TRIM59: variants seen among roughly 807,000 people sequenced by gnomAD.
The protein encoded by TRIM59 is tripartite motif containing 59.
TRIM59 carries 14 observed loss-of-function variants against 32.2 expected under a neutral mutation model. The ratio of observed to expected loss-of-function variants is 0.43; its 90% confidence interval spans 0.29 to 0.68. The LOEUF is 0.68. Ranked by LOEUF, TRIM59 falls within the 30% of genes least tolerant of loss-of-function variation. The pLI is 0.15. For missense variants in TRIM59, 471 were observed against 463.3 expected, an observed-to-expected ratio of 1.02 and a Z score of -0.15; for synonymous variants, 163 against 155.1, an observed-to-expected ratio of 1.05 and a Z score of -0.38.
rs1718898347 is a variant in TRIM59, at chr3:160,435,661, A to G, written c.*2311T>C. ...GTTACTCATATACTCAACTATATTCATGCATACTTAACAAAATGAAAAGTT... is the reference window on the plus strand; with the variant it reads ...GTTACTCATATACTCAACTATATTCGTGCATACTTAACAAAATGAAAAGTT... On this transcript the variant is annotated 3_prime_UTR_variant, in exon 3 of 3. Transcript: ENST00000309784. 4.1e-6 allele frequency: 1 copy of G among 245,214 alleles called. No homozygotes were observed. The highest frequency in any genetic ancestry group is 2.3e-5 in the African/African-American group (1 of 43,924). 15.2% of individuals were successfully genotyped at this position (245,214 alleles called of 1,614,324 possible). A position where few individuals can be genotyped will look rare whatever the true frequency, so the allele number is the denominator to read the frequency against.
rs752986138 is a variant in TRIM59, at chr3:160,438,558, T to C, written c.626A>G (p.Asp209Gly). Residue 209 changes from aspartate to glycine, a missense_variant, in exon 3 of 3, where the codon GAT becomes GGT. Transcript: ENST00000309784. ...KKKSFLTALC[D>G]VGNLINQEYT... Reference sequence around the variant, plus strand: ...TTCTTGATTAATTAGATTGCCAACATCACAGAGAGCCGTTAGGAAACTTTT... The same window carrying C: ...TTCTTGATTAATTAGATTGCCAACACCACAGAGAGCCGTTAGGAAACTTTT... 8.1e-6 allele frequency: 13 copies of C among 1,611,460 alleles called. No homozygotes were observed. In the African/African-American group the frequency reaches 1.6e-4, roughly 20 times the overall value.
In TRIM59 at chr3:160,438,949, G is replaced by C. The variant is rs1719110435; in HGVS notation, c.235C>G (p.Leu79Val). The part of the protein sequence containing the change: ...GIESLPVNFA[L>V]RAIIEKYQQE... ...TGGTACTTTTCAATAATAGCCCTTAGTGCAAAATTAACAGGTAAAGATTCA... is the reference window on the plus strand; with the variant it reads ...TGGTACTTTTCAATAATAGCCCTTACTGCAAAATTAACAGGTAAAGATTCA... The change falls in exon 3 of 3, where the codon CTA (leucine) becomes GTA (valine). Residue 79 changes from leucine to valine, a missense_variant. Leu to Val is a conservative substitution (Grantham distance 32). Transcript: ENST00000309784. The C allele has an allele frequency of 1.9e-6, 3 of 1,614,080 alleles. No homozygotes were observed. The highest frequency in any genetic ancestry group is 2.5e-6 in the Non-Finnish European group (3 of 1,180,002).
Position 160,439,117 on chromosome 3 carries a change from GTACA to G in TRIM59, c.63_66del (p.Val22CysfsTer57). On this transcript the variant is annotated frameshift_variant, in exon 3 of 3. Coordinates refer to ENST00000309784, the MANE Select transcript of TRIM59 (RefSeq NM_173084.3). LOFTEE classifies it high-confidence loss of function. ...CTACAAAATGTATGAGAGCATGGCA[GTACA>G]CGAGGATCTTCAAAAATACTATAAC... The G allele has an allele frequency of 6.6e-7, 1 of 1,518,566 alleles. No individual in the cohort carries two copies. Among genetic ancestry groups the G allele is most frequent in the Admixed American group, 2.2e-5 (1 of 45,170 alleles). 94.1% of individuals were successfully genotyped at this position (1,518,566 alleles called of 1,614,324 possible).
intron 2 of TRIM59, among the ~76,000 whole-genome samples, chr3:160,442,775 C>T (rs1560025741): frequency 6.6e-6 from 1 of 152,058 alleles, no homozygotes. Flanking sequence ...TGAAAAATAA[C>T]TTTGTAAGGT....
intron 2 of TRIM59, among the ~76,000 whole-genome samples, chr3:160,442,789 G>C (rs1359348366): frequency 6.6e-6 from 1 of 152,096 alleles, no homozygotes; most frequent in African/African-American, 2.4e-5. Flanking sequence ...GTAAGGTCAG[G>C]AACTTTCTGA....
chr3:160,447,944 G>A (rs1442242600), intron 2 of TRIM59: 2 of 151,942 alleles, frequency 1.3e-5, no homozygotes, highest in Non-Finnish European at 1.5e-5. Flanking sequence ...TAACATTATC[G>A]CAGAAAGTCT....
At position 160,438,337 on chromosome 3, in the gene TRIM59, T is replaced by A. The variant is rs149995749; in HGVS notation, c.847A>T (p.Lys283Ter). ...CTGCTCCATTCTTCTTTCAATATTT[T>A]GCTTACTCGAGGATAAATTTCAACG... ...QPVEIYPRVS[K>*]ILKEEWSRTE... The change falls in exon 3 of 3, where the codon AAA becomes TAA. Residue 283 changes from lysine to a stop codon, truncating the protein, a stop_gained. Transcript: ENST00000309784. LOFTEE classifies it high-confidence loss of function. 4.3e-6 allele frequency: 7 copies of A among 1,613,376 alleles called. No homozygotes were observed. The African/African-American group carries it at 9.3e-5, about 22-fold the overall frequency.
Position 160,435,742 on chromosome 3 carries a change from C to CAAA in TRIM59, c.*2229_*2230insTTT. The CAAA allele has an allele frequency of 3.0e-6, 1 of 336,272 alleles. No homozygotes were observed. Among genetic ancestry groups the CAAA allele is most frequent in the Middle Eastern group, 3.9e-4 (1 of 2,556 alleles). The allele number at this position is 336,272 out of a possible 1,614,324, so 20.8% of individuals were successfully genotyped here. On this transcript the variant is annotated 3_prime_UTR_variant, in exon 3 of 3. Coordinates refer to ENST00000309784, the MANE Select transcript of TRIM59 (RefSeq NM_173084.3). Reference sequence around the variant, plus strand: ...AAATCTAAAATGATATATATACTTACGTTTTTAGCATTCTTACAGATTACA... The same window carrying CAAA: ...AAATCTAAAATGATATATATACTTACAAAGTTTTTAGCATTCTTACAGATTACA...
rs1410785302 is a variant in TRIM59 at position 160,436,287 on chromosome 3, A to G, written c.*1685T>C. ...TCTGTAGGGCCAGGAGCATAGTCTA[A>G]TCTGACCCAGAATGTCTTTTTGATT... is the stretch of plus-strand genomic sequence containing the variant. On this transcript the variant is annotated 3_prime_UTR_variant, in exon 3 of 3. Transcript: ENST00000309784. The G allele has an allele frequency of 4.1e-6, 4 of 987,476 alleles. No homozygotes were observed. The highest frequency in any genetic ancestry group is 6.1e-5 in the Admixed American group (1 of 16,324). 61.2% of individuals were successfully genotyped at this position (987,476 alleles called of 1,614,324 possible).
In TRIM59 at chr3:160,436,216, G is replaced by C. The variant is rs753074985; in HGVS notation, c.*1756C>G. On this transcript the variant is annotated 3_prime_UTR_variant, in exon 3 of 3. Transcript: ENST00000309784. ...TTATTCTCAGCAGGTAAGAGTTTTA[G>C]AACTAGTTCCCTGAAAAAGCTGTAT... is the stretch of plus-strand genomic sequence containing the variant. 24 of 995,630 alleles carry C rather than the reference G, an allele frequency of 2.4e-5. No individual in the cohort carries two copies. The highest frequency in any genetic ancestry group is 2.8e-5 in the Non-Finnish European group (23 of 836,100). 61.7% of individuals were successfully genotyped at this position (995,630 alleles called of 1,614,324 possible). A position where few individuals can be genotyped will look rare whatever the true frequency, so the allele number is the denominator to read the frequency against.
chr3:160,449,271 C>T (rs1004426883), intron 1 of TRIM59, among the ~76,000 whole-genome samples: 3 of 152,184 alleles, frequency 2.0e-5, no homozygotes, highest in Non-Finnish European at 2.9e-5. Flanking sequence ...GGCTTCACAT[C>T]TGTAAAATGG....
chr3:160,448,407 T>A lies in TRIM59; in HGVS notation c.-4+319A>T, dbSNP rs1209418764. Reference sequence around the variant, plus strand: ...GAAAAAGTATCCAGGTAACTTAATTTGCAGTTTTGTGTAGTTCTGCAGATC... The same window carrying A: ...GAAAAAGTATCCAGGTAACTTAATTAGCAGTTTTGTGTAGTTCTGCAGATC... On this transcript the variant is annotated intron_variant, in intron 2 of 2. Transcript: ENST00000309784. Among the ~76,000 whole-genome samples the A allele has an allele frequency of 2.0e-5, 3 of 152,362 alleles. No individual in the cohort carries two copies. In the East Asian group the frequency reaches 5.8e-4, roughly 29 times the overall value.
chr3:160,445,012 T>TA (rs1023293427), intron 2 of TRIM59, among the ~76,000 whole-genome samples: 5 of 146,390 alleles, frequency 3.4e-5, no homozygotes, highest in African/African-American at 7.6e-5. Context: ...TCTACAGAGC[T>TA]AAAAAAAAAT....
intron 2 of TRIM59, among the ~76,000 whole-genome samples, chr3:160,444,134 T>G (rs1012605433): frequency 6.6e-6 from 1 of 152,046 alleles, no homozygotes; most frequent in African/African-American, 2.4e-5. Context: ...AGTAACAAAA[T>G]TATATTGAGG....
chr3:160,440,058 T>A (rs1719162498), intron 2 of TRIM59, among the ~76,000 whole-genome samples: 1 of 152,234 alleles, frequency 6.6e-6, no homozygotes. Context: ...TAAAGCAAGC[T>A]ATCAAATTTC....
Position 160,437,120 on chromosome 3 carries a change from G to T in TRIM59, c.*852C>A. On this transcript the variant is annotated 3_prime_UTR_variant, in exon 3 of 3. Transcript: ENST00000309784. ...TAATCCCAGCACTTTGGGAGGCCAA[G>T]GTGGGCAGATCTCTTGAGCCCAGAA... The T allele has an allele frequency of 1.1e-6, 1 of 943,130 alleles. No homozygotes were observed. Among genetic ancestry groups the T allele is most frequent in the African/African-American group, 1.8e-5 (1 of 56,420 alleles). 58.4% of individuals were successfully genotyped at this position (943,130 alleles called of 1,614,324 possible).
rs936462166 is a variant in TRIM59 at position 160,437,076 on chromosome 3, A to G, written c.*896T>C. ...TATTAGAAAATGCTGGCCCCCAGGCACAGTGTGGCTAACGTCTGTAATCCC... is the reference window on the plus strand; with the variant it reads ...TATTAGAAAATGCTGGCCCCCAGGCGCAGTGTGGCTAACGTCTGTAATCCC... On this transcript the variant is annotated 3_prime_UTR_variant, in exon 3 of 3. Transcript: ENST00000309784. 3 of 985,158 alleles carry G rather than the reference A, an allele frequency of 3.0e-6. No individual in the cohort carries two copies. The highest frequency in any genetic ancestry group is 5.2e-4 in the Middle Eastern group (1 of 1,936). The allele number at this position is 985,158 out of a possible 1,614,324, so 61.0% of individuals were successfully genotyped here.
At chr3:160,440,640 A>G (rs888442683) in intron 2 of TRIM59, among the ~76,000 whole-genome samples, 1 of 152,132 alleles carries the variant, frequency 6.6e-6, no homozygotes, top group African/African-American at 2.4e-5. Flanking sequence ...GGCCAGGCGC[A>G]GTGGTTCACG....
chr3:160,436,985 C>T lies in TRIM59; in HGVS notation c.*987G>A. 2.0e-6 allele frequency: 2 copies of T among 985,044 alleles called. No individual in the cohort carries two copies. The highest frequency in any genetic ancestry group is 2.4e-6 in the Non-Finnish European group (2 of 829,884). The allele number at this position is 985,044 out of a possible 1,614,324, so 61.0% of individuals were successfully genotyped here. ...TAAGAATGAGTTTTTAATCCAAGAA[C>T]TGATTTGACTGACGAGCAGAAAAAA... On this transcript the variant is annotated 3_prime_UTR_variant, in exon 3 of 3. Coordinates refer to ENST00000309784, the MANE Select transcript of TRIM59 (RefSeq NM_173084.3).
Sources: gnomAD v4.1 joint callset for allele counts (sites outside exome capture counted in the v4.1 genomes callset) on GRCh38, gnomAD v4.1.1 for gene constraint, MANE v1.5 for transcripts, NCBI Gene and HGNC (gene_info 2026-07-23, HGNC 2026-07-21) for gene names.